Variants in RNU4-1 observed in about 807,000 individuals in gnomAD.
RNU4-1 encodes the protein RNA, U4 small nuclear 1.
chr12:120,293,170 T>G (rs775649681), exon 1 of RNU4-1: 1 of 152,058 alleles, frequency 6.6e-6, no homozygotes, highest in African/African-American at 2.4e-5. Flanking sequence ...TTGGGAAAAG[T>G]TTTCAATTAG....
exon 1 of RNU4-1, chr12:120,293,228 G>C (rs533548024): frequency 6.6e-6 from 1 of 152,206 alleles, no homozygotes; most frequent in African/African-American, 2.4e-5. Context: ...TACTGCCACT[G>C]CGCAAAGCTA....
chr12:120,293,180 G>C (rs183948038), exon 1 of RNU4-1: 5 of 152,136 alleles, frequency 3.3e-5, no homozygotes, highest in Non-Finnish European at 5.9e-5. Context: ...TTTTCAATTA[G>C]CAATAATCGC....
At chr12:120,293,108 A>C (rs746454586) in exon 1 of RNU4-1, 2 of 152,102 alleles carry the variant, frequency 1.3e-5, no homozygotes. Flanking sequence ...CTCCGTAGAG[A>C]CTGTCAAAAA....
chr12:120,293,143 G>T (rs535659349), exon 1 of RNU4-1: 1 of 152,176 alleles, frequency 6.6e-6, no homozygotes, highest in Admixed American at 6.6e-5. Context: ...TATATTGCAA[G>T]TCGTCACGGC....
exon 1 of RNU4-1, chr12:120,293,131 A>C (rs762661469): frequency 1.3e-5 from 2 of 152,192 alleles, no homozygotes; most frequent in Non-Finnish European, 2.9e-5. Flanking sequence ...GCCAGTGCCG[A>C]CTATATTGCA....
exon 1 of RNU4-1, chr12:120,293,117 A>T (rs1465179471): frequency 1.3e-5 from 2 of 152,168 alleles, no homozygotes; most frequent in African/African-American, 2.4e-5. Flanking sequence ...GACTGTCAAA[A>T]ATTGCCAGTG....
chr12:120,293,158 T>A (rs1022084755), exon 1 of RNU4-1: 2 of 151,652 alleles, frequency 1.3e-5, no homozygotes, highest in African/African-American at 4.8e-5. Flanking sequence ...CACGGCGGGG[T>A]ATTGGGAAAA....
chr12:120,293,096 G>C (rs895393240), downstream of RNU4-1: 8 of 152,102 alleles, frequency 5.3e-5, no homozygotes, highest in East Asian at 1.9e-4. Flanking sequence ...AGAAAATTCA[G>C]TCTCCGTAGA....
chr12:120,293,138 T>G (rs548277238), exon 1 of RNU4-1: 8 of 152,184 alleles, frequency 5.3e-5, no homozygotes, highest in Non-Finnish European at 4.4e-5. Context: ...CCGACTATAT[T>G]GCAAGTCGTC....
At chr12:120,293,165 A>G (rs542055711) in exon 1 of RNU4-1, 49 of 152,298 alleles carry the variant, frequency 3.2e-4, no homozygotes, top group Non-Finnish European at 6.8e-4. Context: ...GGGTATTGGG[A>G]AAAGTTTTCA....
exon 1 of RNU4-1, chr12:120,293,164 G>C (rs528668567): frequency 6.6e-6 from 1 of 152,140 alleles, no homozygotes; most frequent in African/African-American, 2.4e-5. Context: ...GGGGTATTGG[G>C]AAAAGTTTTC....
At chr12:120,293,214 A>C (rs755356898) in exon 1 of RNU4-1, 3 of 152,194 alleles carry the variant, frequency 2.0e-5, no homozygotes, top group African/African-American at 7.2e-5. Context: ...CTCATTGGCT[A>C]CGATACTGCC....
rs376689821 is a variant in RNU4-1 at position 120,293,177 on chromosome 12, T to G, written n.61A>C. On this transcript the variant is annotated non_coding_transcript_exon_variant, in exon 1 of 1. Transcript: ENST00000363925. ...GCGGGGTATTGGGAAAAGTTTTCAA[T>G]TAGCAATAATCGCGCCTCGGATAGA... The G allele has an allele frequency of 5.3e-5, 8 of 152,288 alleles. No homozygotes were observed. In the East Asian group the frequency reaches 1.2e-3, roughly 22 times the overall value. 9.4% of individuals were successfully genotyped at this position (152,288 alleles called of 1,614,324 possible). A position where few individuals can be genotyped will look rare whatever the true frequency, so the allele number is the denominator to read the frequency against.
chr12:120,293,164 G>GA (rs1260586751), exon 1 of RNU4-1: 11 of 152,140 alleles, frequency 7.2e-5, no homozygotes, highest in Admixed American at 2.6e-4. Context: ...GGGGTATTGG[G>GA]AAAAGTTTTC....
exon 1 of RNU4-1, chr12:120,293,208 T>G (rs893712383): frequency 5.3e-5 from 8 of 152,204 alleles, no homozygotes; most frequent in East Asian, 1.9e-4. Flanking sequence ...ATAGACCTCA[T>G]TGGCTACGAT....
chr12:120,293,105 G>C (rs549585623), exon 1 of RNU4-1: 15 of 152,186 alleles, frequency 9.9e-5, no homozygotes, highest in South Asian at 6.2e-4. Flanking sequence ...AGTCTCCGTA[G>C]AGACTGTCAA....
chr12:120,293,206 C>G (rs999363832), exon 1 of RNU4-1: 1 of 152,194 alleles, frequency 6.6e-6, no homozygotes, highest in Non-Finnish European at 1.5e-5. Flanking sequence ...GGATAGACCT[C>G]ATTGGCTACG....
exon 1 of RNU4-1, chr12:120,293,200 A>T (rs3847969): frequency 6.6e-6 from 1 of 152,302 alleles, no homozygotes; most frequent in Admixed American, 6.5e-5. Flanking sequence ...CGCCTCGGAT[A>T]GACCTCATTG....
At chr12:120,293,170 T>C (rs775649681) in exon 1 of RNU4-1, 1 of 152,058 alleles carries the variant, frequency 6.6e-6, no homozygotes. Context: ...TTGGGAAAAG[T>C]TTTCAATTAG....
Sources: gnomAD v4.1 joint callset for allele counts on GRCh38, gnomAD v4.1.1 for gene constraint, MANE v1.5 for transcripts, NCBI Gene and HGNC (gene_info 2026-07-23, HGNC 2026-07-21) for gene names.